Variants in AK7 observed in about 807,000 individuals in gnomAD.
AK7 encodes the protein adenylate kinase 7.
In AK7, 78 loss-of-function variants were observed where a neutral mutation model predicts 96.6. The observed-to-expected ratio is 0.81, with a 90% CI of 0.67 to 0.97. The LOEUF (loss-of-function observed/expected upper bound fraction) is 0.97. Ranked by LOEUF, AK7 falls within the 50% of genes least tolerant of loss-of-function variation. The probability of loss-of-function intolerance (pLI) is 0.00; values close to 1 mark genes in which losing one functional copy is unlikely to be tolerated. For missense variants in AK7, 855 were observed against 887.9 expected (o/e 0.96, Z 0.47); for synonymous variants, 302 against 317.2 (o/e 0.95, Z 0.51).
intron 4 of AK7, among the ~76,000 whole-genome samples, chr14:96,411,770 G>A (rs550492566): frequency 1.1e-4 from 16 of 152,314 alleles, no homozygotes; most frequent in African/African-American, 3.4e-4. Context: ...TGAAGGGGGC[G>A]TGGCAGAAGA....
intron 5 of AK7, among the ~76,000 whole-genome samples, chr14:96,433,176 T>C (rs1451138508): frequency 6.6e-6 from 1 of 152,178 alleles, no homozygotes; most frequent in African/African-American, 2.4e-5. Context: ...AGGAGTATCT[T>C]TGTGGTGTTC....
chr14:96,476,743 A>G (rs1176983289), intron 14 of AK7, among the ~76,000 whole-genome samples: 1 of 152,168 alleles, frequency 6.6e-6, no homozygotes, highest in Non-Finnish European at 1.5e-5. Flanking sequence ...TGAGAAGTAT[A>G]TTTTATCATA....
chr14:96,421,599 T>A (rs1410992169), intron 5 of AK7: 1 of 151,702 alleles, frequency 6.6e-6, no homozygotes, highest in East Asian at 1.9e-4. Context: ...ATTAAGACAT[T>A]CTCGTAGCTT....
chr14:96,396,372 G>A (rs1890085713), intron 1 of AK7, among the ~76,000 whole-genome samples: 2 of 152,194 alleles, frequency 1.3e-5, no homozygotes, highest in East Asian at 3.8e-4. Flanking sequence ...CTCGTCGTTA[G>A]GCTTACAATC....
intron 13 of AK7, 73 bp from the exon 14 acceptor site, chr14:96,472,614 T>C: frequency 1.7e-6 from 2 of 1,186,936 alleles, no homozygotes; most frequent in Non-Finnish European, 2.5e-6. Flanking sequence ...ACTTAAGATA[T>C]TTGGAATTTT....
chr14:96,438,359 T>G, intron 6 of AK7, among the ~76,000 whole-genome samples: 1 of 150,848 alleles, frequency 6.6e-6, no homozygotes, highest in African/African-American at 2.4e-5. Flanking sequence ...TGCTGGGGAG[T>G]AAGGTTGCGG....
rs1393526425 is a variant in AK7 at position 96,478,582 on chromosome 14, G to T, written c.1673G>T (p.Ser558Ile). The change falls in exon 15 of 18, where the codon AGC becomes ATC. Residue 558 changes from serine (S) to isoleucine (I), a missense_variant. Coordinates refer to ENST00000267584, the MANE Select transcript of AK7 (RefSeq NM_152327.5). ...YSQDRFLRALSNYRDINIDDE... is the reference protein window; with the variant it reads ...YSQDRFLRALINYRDINIDDE... ...CAAGACCGATTCCTCCGGGCTCTGA[G>T]CAACTACCGGGACATCAATATCGAC... is the stretch of plus-strand genomic sequence containing the variant. 1 of 1,614,206 alleles carries T rather than the reference G, an allele frequency of 6.2e-7. No individual in the cohort carries two copies. The highest frequency in any genetic ancestry group is 8.5e-7 in the Non-Finnish European group (1 of 1,180,036).
chr14:96,471,714 T>C (rs1351971138), intron 13 of AK7, 108 bp downstream of exon 13: 1 of 1,005,996 alleles, frequency 9.9e-7, no homozygotes, highest in Non-Finnish European at 1.3e-6. Context: ...AGAGAGACTA[T>C]TTATTTTTGA....
At chr14:96,442,845 T>A in intron 7 of AK7, 27 bp downstream of exon 7, 2 of 1,590,740 alleles carry the variant, frequency 1.3e-6, no homozygotes, top group Non-Finnish European at 1.7e-6. Context: ...AGACGTGACC[T>A]TCACAGAATT....
At chr14:96,425,527 G>A (rs1160802734) in intron 5 of AK7, among the ~76,000 whole-genome samples, 1 of 132,048 alleles carries the variant, frequency 7.6e-6, no homozygotes, top group Non-Finnish European at 1.5e-5. Context: ...CTGTTGCGTA[G>A]GCTGGAGTGC....
rs1197705227 is a variant in AK7 at position 96,408,858 on chromosome 14, G to A, written c.415G>A (p.Glu139Lys). 4 of 1,614,238 alleles carry A rather than the reference G, an allele frequency of 2.5e-6. No homozygotes were observed. The South Asian group carries it at 4.4e-5, about 18-fold the overall frequency. Reference sequence around the variant, plus strand: ...TTTTGGCCCCACAGCACTCAGTGAAGAAGTCAGCCACTTTGAAAAGCGAAA... The same window carrying A: ...TTTTGGCCCCACAGCACTCAGTGAAAAAGTCAGCCACTTTGAAAAGCGAAA... Reference protein sequence around the residue: ...AIWAVSALSEEVSHFEKRKLF... With the variant: ...AIWAVSALSEKVSHFEKRKLF... The change falls in exon 4 of 18, where the codon GAA (glutamate) becomes AAA (lysine). Residue 139 changes from glutamate (E) to lysine (K), a missense_variant. Coordinates refer to ENST00000267584, the MANE Select transcript of AK7 (RefSeq NM_152327.5).
At chr14:96,418,643 C>T (rs574809540) in intron 4 of AK7, among the ~76,000 whole-genome samples, 30 of 152,162 alleles carry the variant, frequency 2.0e-4, no homozygotes, top group African/African-American at 4.6e-4. Context: ...CTCAGCCTCC[C>T]GAGTAGCTGG....
intron 10 of AK7, among the ~76,000 whole-genome samples, chr14:96,455,303 A>G (rs1413466214): frequency 1.3e-5 from 2 of 152,240 alleles, no homozygotes; most frequent in Non-Finnish European, 2.9e-5. Flanking sequence ...TGAACCACAC[A>G]GTGAGATCTC....
chr14:96,449,895 G>GTTTTTT lies in AK7; in HGVS notation c.948+24_948+29dup. 1 of 1,217,318 alleles carries GTTTTTT rather than the reference G, an allele frequency of 8.2e-7. No individual in the cohort carries two copies. The allele number at this position is 1,217,318 out of a possible 1,614,324, so 75.4% of individuals were successfully genotyped here. Reference sequence around the variant, plus strand: ...GGACTTAACGGTTAGTATATGCGGTGTTTTTTTTTTTTTAACTATCTTTCT... The same window carrying GTTTTTT: ...GGACTTAACGGTTAGTATATGCGGTGTTTTTTTTTTTTTTTTTTTAACTATCTTTCT... On this transcript the variant is annotated intron_variant, in intron 9 of 17. Coordinates refer to ENST00000267584, the MANE Select transcript of AK7 (RefSeq NM_152327.5).
At chr14:96,395,692 T>C (rs1050628340) in intron 1 of AK7, among the ~76,000 whole-genome samples, 4 of 103,920 alleles carry the variant, frequency 3.8e-5, no homozygotes, top group Admixed American at 1.6e-4. Context: ...GAGGTATACA[T>C]AGGGCAGAGT....
At chr14:96,460,978 C>T (rs369312281) in intron 12 of AK7, among the ~76,000 whole-genome samples, 5 of 152,334 alleles carry the variant, frequency 3.3e-5, no homozygotes, top group Non-Finnish European at 7.3e-5. Context: ...ACCAAGTGTT[C>T]GCTGAAACCA....
At chr14:96,450,569 CAA>C (rs36081779) in intron 9 of AK7, among the ~76,000 whole-genome samples, 49,291 of 147,724 alleles carry the variant, frequency 0.33, 8,360 homozygotes, top group South Asian at 0.41. Context: ...TCCATCACAA[CAA>C]AAAAAAAAAA....
chr14:96,471,463 A>G lies in AK7; in HGVS notation c.1358-15A>G, dbSNP rs1894881934. The G allele has an allele frequency of 1.5e-6, 2 of 1,334,218 alleles. No individual in the cohort carries two copies. Among genetic ancestry groups the G allele is most frequent in the Non-Finnish European group, 2.1e-6 (2 of 965,860 alleles). The allele number at this position is 1,334,218 out of a possible 1,614,324, so 82.6% of individuals were successfully genotyped here. A position where few individuals can be genotyped will look rare whatever the true frequency, so the allele number is the denominator to read the frequency against. On this transcript the variant is annotated splice_polypyrimidine_tract_variant and intron_variant, in intron 12 of 17. Transcript: ENST00000267584. ...TACATTATAAGTAATATATACATATATGTTTTTTTATCAGGTCAACTAGAC... is the reference window on the plus strand; with the variant it reads ...TACATTATAAGTAATATATACATATGTGTTTTTTTATCAGGTCAACTAGAC...
intron 10 of AK7, among the ~76,000 whole-genome samples, chr14:96,452,227 T>C (rs1321074636): frequency 1.3e-5 from 2 of 152,200 alleles, no homozygotes; most frequent in Non-Finnish European, 2.9e-5. Flanking sequence ...TTAACATCCG[T>C]GTTAACTCAC....
Sources: allele counts gnomAD v4.1 joint callset (sites outside exome capture counted in the v4.1 genomes callset), GRCh38; gene constraint gnomAD v4.1.1; transcripts MANE v1.5; gene names NCBI Gene and HGNC (gene_info 2026-07-23, HGNC 2026-07-21).